Variants in LYPLAL1 observed in about 807,000 individuals in gnomAD.
LYPLAL1 encodes the protein lysophospholipase like 1.
LYPLAL1 carries 23 observed loss-of-function variants against 19.7 expected under a neutral mutation model. The ratio of observed to expected loss-of-function variants is 1.17; its 90% CI spans 0.84 to 1.65. The LOEUF (loss-of-function observed/expected upper bound fraction) is 1.65, where lower values mean the gene tolerates loss of function less well. Among genes scored for constraint, LYPLAL1 ranks in the 40% most tolerant of loss-of-function variants. LYPLAL1 has a pLI of 0.00. For missense variants in LYPLAL1, 355 were observed against 279.4 expected, an observed-to-expected ratio of 1.27 and a Z score of -1.93; for synonymous variants, 119 against 96.3, an observed-to-expected ratio of 1.24 and a Z score of -1.38.
the LYPLAL1 span, among the ~76,000 whole-genome samples, chr1:219,364,059 T>A: frequency 1.3e-5 from 2 of 152,096 alleles, no homozygotes; most frequent in South Asian, 4.1e-4. Context: ...CAGCAAAACA[T>A]CCCTGTTCTG....
chr1:219,320,373 A>T, the LYPLAL1 span, among the ~76,000 whole-genome samples: 5 of 152,206 alleles, frequency 3.3e-5, no homozygotes, highest in East Asian at 9.7e-4. Flanking sequence ...GTGAAGCAGC[A>T]ATCCAACTTC....
chr1:219,363,455 T>A, the LYPLAL1 span, among the ~76,000 whole-genome samples: 11 of 152,304 alleles, frequency 7.2e-5, no homozygotes, highest in Middle Eastern at 3.4e-3. Flanking sequence ...ATTTTCACCA[T>A]TTTCTTTTAC....
At chr1:219,260,225 G>A in the LYPLAL1 span, among the ~76,000 whole-genome samples, 2 of 151,740 alleles carry the variant, frequency 1.3e-5, no homozygotes, top group African/African-American at 2.4e-5. Context: ...ATTAAAATCA[G>A]AGGCATTAAG....
rs1655585293 is a variant in LYPLAL1, at chr1:219,173,952, G to T, written c.62G>T (p.Ser21Ile). ...RCIVSPAGRH[S>I]ASLIFLHGSG... is the part of the protein sequence containing the mutation. ...ATCGTGTCGCCGGCAGGGAGGCATA[G>T]CGCCTCTCTGATCTTCCTGCATGGC... Residue 21 changes from serine (S) to isoleucine (I), a missense_variant, in exon 1 of 5, where the codon AGC becomes ATC. Ser to Ile is a moderately radical substitution (Grantham distance 142). Transcript: ENST00000366928. The T allele has an allele frequency of 3.1e-6, 5 of 1,614,020 alleles. No individual in the cohort carries two copies. The South Asian group carries it at 3.3e-5, about 11-fold the overall frequency.
At chr1:219,439,800 T>C in the LYPLAL1 span, among the ~76,000 whole-genome samples, 1 of 151,778 alleles carries the variant, frequency 6.6e-6, no homozygotes, top group Admixed American at 6.6e-5. Flanking sequence ...TATGGAATCA[T>C]CAAATATTTT....
chr1:219,302,935 T>C, the LYPLAL1 span, among the ~76,000 whole-genome samples: 3 of 152,192 alleles, frequency 2.0e-5, no homozygotes, highest in South Asian at 2.1e-4. Context: ...TTTCTTGATA[T>C]GCTGTCATGT....
At chr1:219,395,130 G>A in the LYPLAL1 span, among the ~76,000 whole-genome samples, 1 of 152,190 alleles carries the variant, frequency 6.6e-6, no homozygotes, top group Non-Finnish European at 1.5e-5. Flanking sequence ...AGTCCTTTGG[G>A]TATATACCCA....
chr1:219,292,266 T>C, the LYPLAL1 span, among the ~76,000 whole-genome samples: 1 of 152,184 alleles, frequency 6.6e-6, no homozygotes, highest in Non-Finnish European at 1.5e-5. Context: ...TCGAATTTGG[T>C]TCCCAGCCAG....
At chr1:219,317,332 T>C in the LYPLAL1 span, among the ~76,000 whole-genome samples, 1 of 152,218 alleles carries the variant, frequency 6.6e-6, no homozygotes, top group Non-Finnish European at 1.5e-5. Context: ...AATAGCTATA[T>C]TCCATTCACA....
chr1:219,262,143 C>G, the LYPLAL1 span, among the ~76,000 whole-genome samples: 110,937 of 151,976 alleles, frequency 0.73, 41,310 homozygotes, highest in East Asian at 0.93. Context: ...GTCTATTGTT[C>G]AAACTTTCTG....
the LYPLAL1 span, among the ~76,000 whole-genome samples, chr1:219,347,705 A>G: frequency 6.6e-6 from 1 of 152,220 alleles, no homozygotes; most frequent in Non-Finnish European, 1.5e-5. Flanking sequence ...ATAACCCATT[A>G]CTTTCTTCTC....
the LYPLAL1 span, among the ~76,000 whole-genome samples, chr1:219,268,208 G>A: frequency 1.3e-5 from 2 of 152,110 alleles, no homozygotes; most frequent in East Asian, 3.9e-4. Flanking sequence ...CATTATATTA[G>A]GAGGTGGTAA....
At chr1:219,306,873 T>C in the LYPLAL1 span, among the ~76,000 whole-genome samples, 657 of 92,030 alleles carry the variant, frequency 7.1e-3, 8 homozygotes, top group African/African-American at 0.019. Context: ...GACAGACAGA[T>C]AGATAGAGAT....
chr1:219,314,621 T>C, the LYPLAL1 span, among the ~76,000 whole-genome samples: 1 of 152,084 alleles, frequency 6.6e-6, no homozygotes, highest in African/African-American at 2.4e-5. Flanking sequence ...ATTTTTCGTA[T>C]TTTTAGTAGA....
At chr1:219,366,111 A>G in the LYPLAL1 span, among the ~76,000 whole-genome samples, 2 of 152,148 alleles carry the variant, frequency 1.3e-5, no homozygotes, top group African/African-American at 4.8e-5. Flanking sequence ...GGAGTGAGCT[A>G]CCTAACGATG....
rs769374112 is a variant in LYPLAL1 at position 219,211,499 on chromosome 1, A to G, written c.485A>G (p.Gln162Arg). ...NKASAVYQAL[Q>R]KSNGVLPELF... ...TTGTATCTTCTTCTCTAGGCTCTTC[A>G]GAAGAGTAATGGTGTACTTCCTGAA... The change falls in exon 5 of 5, where the codon CAG (glutamine) becomes CGG (arginine). Residue 162 changes from glutamine to arginine, a missense_variant. Gln to Arg is a conservative substitution (Grantham distance 43). Coordinates refer to ENST00000366928, the MANE Select transcript of LYPLAL1 (RefSeq NM_138794.5). The G allele has an allele frequency of 1.3e-6, 2 of 1,593,452 alleles. No individual in the cohort carries two copies. The highest frequency in any genetic ancestry group is 1.7e-6 in the Non-Finnish European group (2 of 1,165,598).
the LYPLAL1 span, among the ~76,000 whole-genome samples, chr1:219,269,954 T>TA: frequency 2.5e-4 from 38 of 152,206 alleles, no homozygotes; most frequent in African/African-American, 8.4e-4. Context: ...GAACGAACTT[T>TA]AAAAAAAATT....
At chr1:219,441,314 T>C in the LYPLAL1 span, among the ~76,000 whole-genome samples, 2 of 152,204 alleles carry the variant, frequency 1.3e-5, no homozygotes, top group South Asian at 4.1e-4. Context: ...AATGATATTG[T>C]GCTCATTCGT....
the LYPLAL1 span, among the ~76,000 whole-genome samples, chr1:219,339,875 A>C: frequency 1.3e-5 from 2 of 152,036 alleles, no homozygotes; most frequent in African/African-American, 2.4e-5. Flanking sequence ...GACTTGACTA[A>C]CCAAAAACTC....
Sources: gnomAD v4.1 joint callset for allele counts (sites outside exome capture counted in the v4.1 genomes callset) on GRCh38, gnomAD v4.1.1 for gene constraint, MANE v1.5 for transcripts, NCBI Gene and HGNC (gene_info 2026-07-23, HGNC 2026-07-21) for gene names.